The following BIN3 variants were observed in gnomAD, a reference collection of about 807,000 sequenced individuals.
BIN3 encodes the protein bridging integrator 3.
In BIN3, 41 loss-of-function variants were observed where a neutral mutation model predicts 38.2. That is an observed-to-expected ratio of 1.07 (90% CI 0.84 to 1.39). The LOEUF (loss-of-function observed/expected upper bound fraction) is 1.39, where lower values mean the gene tolerates loss of function less well. Among genes scored for constraint, BIN3 ranks in the 40% most tolerant of loss-of-function variants. The probability of loss-of-function intolerance (pLI) is 0.00; values close to 1 mark genes in which losing one functional copy is unlikely to be tolerated. For missense variants in BIN3, 361 were observed against 324.3 expected, an observed-to-expected ratio of 1.11 and a Z score of -0.87; for synonymous variants, 145 against 122.6, an observed-to-expected ratio of 1.18 and a Z score of -1.21.
intron 1 of BIN3, among the ~76,000 whole-genome samples, chr8:22,658,764 C>T (rs1004349023): frequency 2.6e-5 from 4 of 152,170 alleles, no homozygotes; most frequent in African/African-American, 9.7e-5. Context: ...TCTAGCTGGG[C>T]AAGAGACCCA....
intron 6 of BIN3, chr8:22,625,098 T>TACTACC: frequency 2.1e-6 from 1 of 481,464 alleles, no homozygotes; most frequent in African/African-American, 1.9e-5. Flanking sequence ...CCTGAGGACC[T>TACTACC]CCACTGTGAC....
chr8:22,651,846 G>T (rs915624768), intron 1 of BIN3, among the ~76,000 whole-genome samples: 1 of 151,992 alleles, frequency 6.6e-6, no homozygotes, highest in African/African-American at 2.4e-5. Context: ...TATAATCTTC[G>T]GTTCTGAGAT....
chr8:22,661,812 A>G (rs1803246305), intron 1 of BIN3, among the ~76,000 whole-genome samples: 1 of 151,624 alleles, frequency 6.6e-6, no homozygotes, highest in Admixed American at 6.6e-5. Flanking sequence ...ATTTTTTTTG[A>G]GACAGTCTCA....
At chr8:22,642,201 A>G (rs1585191585) in intron 2 of BIN3, among the ~76,000 whole-genome samples, 1 of 152,218 alleles carries the variant, frequency 6.6e-6, no homozygotes, top group African/African-American at 2.4e-5. Flanking sequence ...ATGACTTCCA[A>G]TAACCCAGGC....
rs138639168 is a variant in BIN3 at position 22,624,720 on chromosome 8, C to A, written c.339-357G>T. On this transcript the variant is annotated intron_variant, in intron 6 of 8. Coordinates refer to ENST00000276416, the MANE Select transcript of BIN3 (RefSeq NM_018688.6). ...GGAATGAAGGGTGCCCTGACCCCCA[C>A]CTCCTGTGAGCTTTATCACACAACG... 1,871 of 240,776 alleles carry A rather than the reference C, an allele frequency of 7.8e-3. 34 individuals carry two copies. Among genetic ancestry groups the A allele is most frequent in the African/African-American group, 0.039 (1,725 of 44,398 alleles). The allele number at this position is 240,776 out of a possible 1,614,324, so 14.9% of individuals were successfully genotyped here. A position where few individuals can be genotyped will look rare whatever the true frequency, so the allele number is the denominator to read the frequency against.
chr8:22,659,717 T>G (rs1252902438), intron 1 of BIN3, among the ~76,000 whole-genome samples: 1 of 152,242 alleles, frequency 6.6e-6, no homozygotes, highest in Non-Finnish European at 1.5e-5. Context: ...TCACTCTGCC[T>G]ATTACCAGCT....
At chr8:22,657,576 G>A (rs771167512) in intron 1 of BIN3, among the ~76,000 whole-genome samples, 2 of 152,214 alleles carry the variant, frequency 1.3e-5, no homozygotes, top group Non-Finnish European at 2.9e-5. Flanking sequence ...GGTTTATTCC[G>A]AGGCTGCCAA....
chr8:22,650,543 G>A (rs202167725), intron 1 of BIN3, among the ~76,000 whole-genome samples: 1 of 152,044 alleles, frequency 6.6e-6, no homozygotes, highest in Non-Finnish European at 1.5e-5. Context: ...GCTTCCTTTT[G>A]TTAATCTAAA....
chr8:22,636,441 AGAGCCCTT>A, intron 4 of BIN3, 76 bp downstream of exon 4: 1 of 1,414,628 alleles, frequency 7.1e-7, no homozygotes, highest in Non-Finnish European at 9.7e-7. Flanking sequence ...CAGCAACTTC[AGAGCCCTT>A]GGGGGGCTGA....
chr8:22,664,510 G>A (rs1241265090), intron 1 of BIN3, among the ~76,000 whole-genome samples: 1 of 152,254 alleles, frequency 6.6e-6, no homozygotes, highest in Non-Finnish European at 1.5e-5. Flanking sequence ...CTAGAGGTCT[G>A]CAGGACACAA....
Position 22,621,539 on chromosome 8 carries a change from G to T in BIN3, c.645C>A (p.Ile215=). 6.2e-7 allele frequency: 1 copy of T among 1,613,864 alleles called. No individual in the cohort carries two copies. Among genetic ancestry groups the T allele is most frequent in the Non-Finnish European group, 8.5e-7 (1 of 1,179,890 alleles). The change falls in exon 9 of 9, where the codon ATC becomes ATA. Residue 215 remains isoleucine, a synonymous_variant. Transcript: ENST00000276416. The part of the protein sequence containing the change: ...QVVYYSEMHK[I]FGDLSHQLDQ... ...CAAGCTGATGGGACAGGTCTCCAAA[G>T]ATCTTGTGCATTTCCGAGTAGTACA...
At chr8:22,637,204 A>G (rs1344801011) in intron 2 of BIN3, among the ~76,000 whole-genome samples, 3 of 152,094 alleles carry the variant, frequency 2.0e-5, no homozygotes, top group Admixed American at 2.0e-4. Flanking sequence ...GTGCCAGCGG[A>G]CTGTGGCTCT....
At position 22,631,331 on chromosome 8, in the gene BIN3, G is replaced by C. The variant is rs137855820; in HGVS notation, c.161-753C>G. On this transcript the variant is annotated intron_variant, in intron 4 of 8. Transcript: ENST00000276416. ...ACAGCAGGGCCCTCCTCCCGGGTCT[G>C]TTCCTGCTCCCCCAGAATTTTGTTT... 1.2e-4 allele frequency among the ~76,000 whole-genome samples: 18 copies of C among 152,230 alleles called. No homozygotes were observed. The East Asian group carries it at 3.3e-3, about 28-fold the overall frequency.
intron 8 of BIN3, among the ~76,000 whole-genome samples, chr8:22,622,049 T>C (rs1397470532): frequency 6.6e-6 from 1 of 152,170 alleles, no homozygotes; most frequent in African/African-American, 2.4e-5. Context: ...CATCCCACCC[T>C]TGCTCATGGC....
At chr8:22,648,841 C>T (rs1029231616) in intron 1 of BIN3, among the ~76,000 whole-genome samples, 2 of 152,028 alleles carry the variant, frequency 1.3e-5, no homozygotes, top group African/African-American at 4.8e-5. Flanking sequence ...CAGCTTTCAC[C>T]ACTGGCAGCT....
At chr8:22,651,746 T>C (rs1802900505) in intron 1 of BIN3, among the ~76,000 whole-genome samples, 1 of 152,226 alleles carries the variant, frequency 6.6e-6, no homozygotes. Flanking sequence ...GAATATATGT[T>C]TGTCACGGTG....
Position 22,630,355 on chromosome 8 carries a change from C to G in BIN3, c.297+87G>C, listed in dbSNP as rs536424714. On this transcript the variant is annotated intron_variant, in intron 5 of 8. Transcript: ENST00000276416. Reference sequence around the variant, plus strand: ...CTTAGAGCCCTGAGAGCAGAGGGAGCCCACTCGGGCCTCCCCGCACAGTCC... The same window carrying G: ...CTTAGAGCCCTGAGAGCAGAGGGAGGCCACTCGGGCCTCCCCGCACAGTCC... 57 of 1,523,430 alleles carry G rather than the reference C, an allele frequency of 3.7e-5. No individual in the cohort carries two copies. In the African/African-American group the frequency reaches 7.0e-4, roughly 19 times the overall value. 94.4% of individuals were successfully genotyped at this position (1,523,430 alleles called of 1,614,324 possible).
intron 4 of BIN3, among the ~76,000 whole-genome samples, chr8:22,636,214 G>A (rs1187066072): frequency 6.6e-6 from 1 of 152,218 alleles, no homozygotes; most frequent in African/African-American, 2.4e-5. Context: ...TGGACAGCCT[G>A]AGCCGGTGGC....
At chr8:22,625,388 C>CAG (rs745347696) in intron 6 of BIN3, 2 of 702,444 alleles carry the variant, frequency 2.8e-6, no homozygotes, top group South Asian at 3.0e-5. Flanking sequence ...CGGAGGTGAC[C>CAG]CAGGACCAGA....
Sources: gnomAD v4.1 joint callset for allele counts (sites outside exome capture counted in the v4.1 genomes callset) on GRCh38, gnomAD v4.1.1 for gene constraint, MANE v1.5 for transcripts, NCBI Gene and HGNC (gene_info 2026-07-23, HGNC 2026-07-21) for gene names.